GALNT14: variants seen among roughly 807,000 people sequenced by gnomAD.
GALNT14 encodes the protein UDP-GalNAc:polypeptide N-acetylgalactosaminyltransferase 14.
In GALNT14, 60 loss-of-function variants were observed where a neutral mutation model predicts 77.5. That is an observed-to-expected ratio of 0.77 (90% CI 0.63 to 0.96). The LOEUF (loss-of-function observed/expected upper bound fraction) is 0.96. Among genes scored for constraint, GALNT14 ranks in the 40% least tolerant of loss-of-function variants. The pLI is 0.00. For missense variants in GALNT14, 710 were observed against 731.0 expected, an observed-to-expected ratio of 0.97 and a Z score of 0.33; for synonymous variants, 280 against 281.7, an observed-to-expected ratio of 0.99 and a Z score of 0.06.
At chr2:31,057,181 C>G (rs1674266222) in intron 1 of GALNT14, among the ~76,000 whole-genome samples, 1 of 151,384 alleles carries the variant, frequency 6.6e-6, no homozygotes, top group East Asian at 1.9e-4. Flanking sequence ...CTATTCGGTA[C>G]TATGCTCATT....
At chr2:30,897,503 A>C in the GALNT14 span, among the ~76,000 whole-genome samples, 3 of 152,204 alleles carry the variant, frequency 2.0e-5, no homozygotes, top group African/African-American at 4.8e-5. Flanking sequence ...AGAAGTTTCT[A>C]ACTAAGGGTA....
chr2:31,054,921 A>T (rs1012806797), intron 1 of GALNT14, among the ~76,000 whole-genome samples: 5 of 152,190 alleles, frequency 3.3e-5, no homozygotes, highest in African/African-American at 1.2e-4. Context: ...CACGGAGCAA[A>T]ATATATAAAG....
chr2:31,033,860 C>G lies in GALNT14; in HGVS notation c.130-40853G>C, dbSNP rs569928578. 5.3e-5 allele frequency among the ~76,000 whole-genome samples: 8 copies of G among 152,284 alleles called. No homozygotes were observed. In the South Asian group the frequency reaches 1.0e-3, roughly 20 times the overall value. ...CAACATTTCCACTTGGATGTTCTCA[C>G]TATTGAAAAAGCATGTCAGAAACTG... is the stretch of plus-strand genomic sequence containing the variant. On this transcript the variant is annotated intron_variant, in intron 1 of 14. Transcript: ENST00000349752.
intron 13 of GALNT14, among the ~76,000 whole-genome samples, chr2:30,914,522 G>A (rs1018776321): frequency 1.3e-5 from 2 of 152,180 alleles, no homozygotes; most frequent in Non-Finnish European, 2.9e-5. Context: ...GGTCTGGGGT[G>A]GGGCAGGCCA....
chr2:31,013,781 G>A (rs989698072), intron 1 of GALNT14, among the ~76,000 whole-genome samples: 1 of 152,146 alleles, frequency 6.6e-6, no homozygotes, highest in Admixed American at 6.5e-5. Flanking sequence ...CAATGAAGAG[G>A]TGGTTCAAAA....
intron 1 of GALNT14, among the ~76,000 whole-genome samples, chr2:31,031,318 A>G (rs140976378): frequency 1.3e-5 from 2 of 152,256 alleles, no homozygotes; most frequent in Non-Finnish European, 2.9e-5. Context: ...AGCAGGTGAC[A>G]GGGGAACTTT....
At chr2:31,074,171 C>G (rs1229129727) in intron 1 of GALNT14, among the ~76,000 whole-genome samples, 3 of 152,068 alleles carry the variant, frequency 2.0e-5, no homozygotes, top group Non-Finnish European at 2.9e-5. Flanking sequence ...GGAGACGGTG[C>G]CAGGGAGACG....
chr2:30,966,573 G>C (rs2303320), intron 2 of GALNT14, among the ~76,000 whole-genome samples: 1 of 152,048 alleles, frequency 6.6e-6, no homozygotes, highest in Admixed American at 6.5e-5. Flanking sequence ...CTGAAAATAA[G>C]TGTGGTATTT....
intron 1 of GALNT14, among the ~76,000 whole-genome samples, chr2:31,081,225 C>T (rs1284630653): frequency 5.9e-5 from 9 of 152,156 alleles, no homozygotes; most frequent in Non-Finnish European, 1.2e-4. Context: ...GATAAGGCCT[C>T]GTGAAGGTCA....
In GALNT14 at chr2:30,925,541, G is replaced by A. The variant is rs552122003; in HGVS notation, c.1152-718C>T. On this transcript the variant is annotated intron_variant, in intron 11 of 14. Transcript: ENST00000349752. ...CATTATCTAGACAAACCAGAGGTAG[G>A]GGCCCCTGCTAGAGGCAGTGGGGAG... Among the ~76,000 whole-genome samples, 9 of 152,318 alleles carry A rather than the reference G, an allele frequency of 5.9e-5. No individual in the cohort carries two copies. The South Asian group carries it at 1.7e-3, about 28-fold the overall frequency.
At chr2:31,068,673 G>A (rs532036815) in intron 1 of GALNT14, among the ~76,000 whole-genome samples, 155 of 152,290 alleles carry the variant, frequency 1.0e-3, no homozygotes, top group African/African-American at 3.6e-3. Context: ...ACTGCCCCGT[G>A]CAGACAGGGC....
At chr2:31,105,329 G>T (rs935308129) in intron 1 of GALNT14, among the ~76,000 whole-genome samples, 7 of 152,136 alleles carry the variant, frequency 4.6e-5, no homozygotes, top group African/African-American at 1.7e-4. Context: ...CTTTTCTTGA[G>T]CATTTCCTGA....
At position 31,025,139 on chromosome 2, in the gene GALNT14, C is replaced by T. The variant is rs377569609; in HGVS notation, c.130-32132G>A. ...CTGAGTACTTGTATTGGGTTAGGTG[C>T]TTCACATGAATCATCTCATTTCACC... On this transcript the variant is annotated intron_variant, in intron 1 of 14. Transcript: ENST00000349752. Among the ~76,000 whole-genome samples, 138 of 152,292 alleles carry T rather than the reference C, an allele frequency of 9.1e-4. 3 individuals carry two copies. In the South Asian group the frequency reaches 0.013, roughly 14 times the overall value.
chr2:30,960,216 G>A (rs372492449), intron 3 of GALNT14, among the ~76,000 whole-genome samples: 2 of 152,134 alleles, frequency 1.3e-5, no homozygotes, highest in South Asian at 4.1e-4. Context: ...TGTTCACCAT[G>A]ATCGTCCCAA....
chr2:30,994,019 C>A (rs115292828), intron 1 of GALNT14, among the ~76,000 whole-genome samples: 1,900 of 152,360 alleles, frequency 0.012, 28 homozygotes, highest in South Asian at 0.014. Context: ...CTTCCCAATG[C>A]ATGTTAGCAC....
intron 9 of GALNT14, among the ~76,000 whole-genome samples, chr2:30,941,709 C>T (rs1666384777): frequency 6.6e-6 from 1 of 152,212 alleles, no homozygotes; most frequent in African/African-American, 2.4e-5. Flanking sequence ...CCCAGACCCT[C>T]CTCATTACCC....
At chr2:31,110,818 C>T (rs774217209) in intron 1 of GALNT14, among the ~76,000 whole-genome samples, 1 of 152,170 alleles carries the variant, frequency 6.6e-6, no homozygotes, top group Non-Finnish European at 1.5e-5. Context: ...GTATTATCAA[C>T]TCTCACACAG....
At chr2:30,927,878 GT>G (rs1447092536) in intron 11 of GALNT14, among the ~76,000 whole-genome samples, 1 of 152,168 alleles carries the variant, frequency 6.6e-6, no homozygotes, top group African/African-American at 2.4e-5. Context: ...GGCATTCCCA[GT>G]TCTGTTCAGC....
Position 30,965,050 on chromosome 2 carries a change from C to T in GALNT14, c.398+1154G>A, listed in dbSNP as rs79841719. On this transcript the variant is annotated intron_variant, in intron 3 of 14. Coordinates refer to ENST00000349752, the MANE Select transcript of GALNT14 (RefSeq NM_024572.4). ...AGGACAGGAAGGGTCTAATGAGCCG[C>T]GTTTCATGGGGACATGGAGGTACTG... Among the ~76,000 whole-genome samples the T allele has an allele frequency of 0.018, 2,759 of 152,180 alleles. 140 individuals are homozygous for T. The East Asian group carries it at 0.21, about 11-fold the overall frequency.
Sources: gnomAD v4.1 joint callset for allele counts (sites outside exome capture counted in the v4.1 genomes callset) on GRCh38, gnomAD v4.1.1 for gene constraint, MANE v1.5 for transcripts, NCBI Gene and HGNC (gene_info 2026-07-23, HGNC 2026-07-21) for gene names.